Variants in KCND2 observed in about 807,000 individuals in gnomAD.
KCND2 encodes A-type voltage-gated potassium channel KCND2.
KCND2 carries 16 observed loss-of-function variants against 54.4 expected under a neutral mutation model. The ratio of observed to expected loss-of-function variants is 0.29; its 90% CI spans 0.20 to 0.45. KCND2 has a LOEUF of 0.45. KCND2 is among the 20% of genes least tolerant of loss of function. KCND2 has a pLI of 1.00. For synonymous variants in KCND2, 317 were observed against 310.7 expected (o/e 1.02, Z -0.21); for missense variants, 486 against 824.2 (o/e 0.59, Z 5.02).
intron 1 of KCND2, among the ~76,000 whole-genome samples, chr7:120,607,130 A>G (rs1030387398): frequency 1.3e-5 from 2 of 152,104 alleles, no homozygotes; most frequent in Admixed American, 6.6e-5. Flanking sequence ...GGGAGAAGAG[A>G]ATGAGAACAG....
chr7:120,599,346 T>A (rs1792786057), intron 1 of KCND2, among the ~76,000 whole-genome samples: 1 of 151,992 alleles, frequency 6.6e-6, no homozygotes, highest in African/African-American at 2.4e-5. Flanking sequence ...ATTTTTGGAA[T>A]AAAATTATTT....
intron 1 of KCND2, among the ~76,000 whole-genome samples, chr7:120,346,526 T>A (rs924704363): frequency 4.6e-5 from 7 of 152,166 alleles, no homozygotes; most frequent in African/African-American, 1.7e-4. Flanking sequence ...CAGATTTTGG[T>A]GCTTCTTGAC....
chr7:120,396,228 T>C (rs1012677933), intron 1 of KCND2, among the ~76,000 whole-genome samples: 5 of 152,046 alleles, frequency 3.3e-5, no homozygotes, highest in African/African-American at 7.2e-5. Context: ...ATATATCCTG[T>C]GTTGGTCAAA....
intron 1 of KCND2, among the ~76,000 whole-genome samples, chr7:120,597,223 G>T (rs1047806555): frequency 6.6e-6 from 1 of 152,092 alleles, no homozygotes; most frequent in Non-Finnish European, 1.5e-5. Context: ...AGAAATGAGC[G>T]CATTGATGTC....
intron 1 of KCND2, among the ~76,000 whole-genome samples, chr7:120,533,206 T>A (rs1462398967): frequency 6.6e-6 from 1 of 152,096 alleles, no homozygotes; most frequent in African/African-American, 2.4e-5. Flanking sequence ...TTCCAATTAT[T>A]TTTTTGACCT....
At chr7:120,729,329 T>C (rs1348910200) in intron 1 of KCND2, among the ~76,000 whole-genome samples, 1 of 152,138 alleles carries the variant, frequency 6.6e-6, no homozygotes, top group Non-Finnish European at 1.5e-5. Context: ...ATTCGAATAG[T>C]GAGATATGCT....
intron 1 of KCND2, among the ~76,000 whole-genome samples, chr7:120,538,944 T>C (rs1791945367): frequency 6.6e-6 from 1 of 152,160 alleles, no homozygotes; most frequent in African/African-American, 2.4e-5. Context: ...AAGGAAACAC[T>C]AACCAAAAAG....
At chr7:120,308,689 T>A (rs1289429088) in intron 1 of KCND2, among the ~76,000 whole-genome samples, 1 of 152,214 alleles carries the variant, frequency 6.6e-6, no homozygotes, top group Non-Finnish European at 1.5e-5. Context: ...CATATTGGTC[T>A]TGTTCAAATA....
intron 1 of KCND2, among the ~76,000 whole-genome samples, chr7:120,721,834 T>G (rs898590048): frequency 6.6e-6 from 1 of 152,168 alleles, no homozygotes; most frequent in African/African-American, 2.4e-5. Context: ...GTAGCTCCCA[T>G]AATTCCCACA....
At chr7:120,500,393 T>C (rs1304344745) in intron 1 of KCND2, among the ~76,000 whole-genome samples, 1 of 152,188 alleles carries the variant, frequency 6.6e-6, no homozygotes, top group Non-Finnish European at 1.5e-5. Flanking sequence ...GTACCTATTC[T>C]TTTCTTTTCT....
At position 120,330,219 on chromosome 7, in the gene KCND2, G is replaced by A. The variant is rs1800043393; in HGVS notation, c.1115+54472G>A. Among the ~76,000 whole-genome samples, 6 of 152,114 alleles carry A rather than the reference G, an allele frequency of 3.9e-5. 1 individual carries two copies. In the South Asian group the frequency reaches 1.2e-3, roughly 32 times the overall value. ...AAATGAAGGTAGTAAAATACCTACT[G>A]TAGGTGAACGTAGTGAGGAAAAAAA... On this transcript the variant is annotated intron_variant, in intron 1 of 5. Transcript: ENST00000331113.
intron 1 of KCND2, among the ~76,000 whole-genome samples, chr7:120,603,500 G>C (rs1792840437): frequency 1.3e-5 from 2 of 152,180 alleles, no homozygotes. Context: ...TGGGGTCTGG[G>C]ACTGGTGCCC....
intron 1 of KCND2, among the ~76,000 whole-genome samples, chr7:120,691,397 G>A (rs1792267067): frequency 1.3e-5 from 2 of 152,164 alleles, no homozygotes; most frequent in Admixed American, 1.3e-4. Context: ...AGGAAATGTA[G>A]GGAAGAGATT....
chr7:120,601,868 C>T (rs1231226095), intron 1 of KCND2, among the ~76,000 whole-genome samples: 1 of 152,156 alleles, frequency 6.6e-6, no homozygotes, highest in Admixed American at 6.5e-5. Context: ...TCTCACCTAG[C>T]TAATTTATAG....
intron 1 of KCND2, among the ~76,000 whole-genome samples, chr7:120,683,337 G>A (rs971789080): frequency 1.3e-5 from 2 of 152,068 alleles, no homozygotes; most frequent in Admixed American, 1.3e-4. Flanking sequence ...GTCAGCAGGA[G>A]GATGCAATAG....
chr7:120,599,250 T>G (rs1792785352), intron 1 of KCND2, among the ~76,000 whole-genome samples: 1 of 152,114 alleles, frequency 6.6e-6, no homozygotes. Flanking sequence ...TGAAATAAGA[T>G]GAATTCTCTA....
chr7:120,740,182 C>T (rs1562925058), intron 2 of KCND2, among the ~76,000 whole-genome samples: 1 of 151,958 alleles, frequency 6.6e-6, no homozygotes, highest in Non-Finnish European at 1.5e-5. Flanking sequence ...AAATTTCTCA[C>T]AGGATTCTCT....
chr7:120,645,111 A>G (rs1217008314), intron 1 of KCND2, among the ~76,000 whole-genome samples: 1 of 152,228 alleles, frequency 6.6e-6, no homozygotes, highest in Admixed American at 6.5e-5. Context: ...TAAAACAGAT[A>G]CAAGTTCAGA....
At chr7:120,627,445 A>T (rs1218243374) in intron 1 of KCND2, among the ~76,000 whole-genome samples, 3 of 152,040 alleles carry the variant, frequency 2.0e-5, no homozygotes, top group African/African-American at 7.2e-5. Flanking sequence ...AGTTTCAATT[A>T]ATAATATGAT....
Sources: allele counts gnomAD v4.1 joint callset (sites outside exome capture counted in the v4.1 genomes callset), GRCh38; gene constraint gnomAD v4.1.1; transcripts MANE v1.5; gene names NCBI Gene and HGNC (gene_info 2026-07-23, HGNC 2026-07-21).